Variants in PTH2R observed in about 807,000 individuals in gnomAD.
PTH2R encodes parathyroid hormone 2 receptor, also known as PTH2 receptor.
Under a neutral mutation model 60.3 loss-of-function variants are expected in PTH2R, and 59 were observed. The observed-to-expected ratio is 0.98, with a 90% CI of 0.79 to 1.22. The LOEUF (loss-of-function observed/expected upper bound fraction) is 1.22. PTH2R is among the 50% of genes most tolerant of loss of function. PTH2R has a pLI of 0.00. For missense variants in PTH2R, 749 were observed against 682.6 expected (o/e 1.10, Z -1.08); for synonymous variants, 256 against 243.8 (o/e 1.05, Z -0.47).
intron 10 of PTH2R, 60 bp from the exon 11 acceptor site, chr2:208,488,952 G>T: frequency 6.3e-7 from 1 of 1,586,962 alleles, no homozygotes; most frequent in South Asian, 1.1e-5. Context: ...CCTCCAGCAC[G>T]CTGTCTTTAC....
chr2:208,477,086 T>C (rs1465969633), intron 9 of PTH2R, among the ~76,000 whole-genome samples: 3 of 152,210 alleles, frequency 2.0e-5, no homozygotes, highest in Non-Finnish European at 2.9e-5. Context: ...CACGCATATC[T>C]CATTTGCCTA....
chr2:208,417,039 T>C lies in PTH2R; in HGVS notation c.75+9921T>C, dbSNP rs138643232. Among the ~76,000 whole-genome samples, 201 of 152,270 alleles carry C rather than the reference T, an allele frequency of 1.3e-3. 7 individuals are homozygous for C. The South Asian group carries it at 0.019, about 14-fold the overall frequency. On this transcript the variant is annotated intron_variant, in intron 1 of 12. Coordinates refer to ENST00000272847, the MANE Select transcript of PTH2R (RefSeq NM_005048.4). Reference sequence around the variant, plus strand: ...AATGCAATGTACCTCTCAATGAAGATTGGAAAAGAAAGAAGGGATGAAGAA... The same window carrying C: ...AATGCAATGTACCTCTCAATGAAGACTGGAAAAGAAAGAAGGGATGAAGAA...
chr2:208,450,091 G>A (rs547200293), intron 7 of PTH2R, among the ~76,000 whole-genome samples: 18 of 152,294 alleles, frequency 1.2e-4, no homozygotes, highest in African/African-American at 3.4e-4. Flanking sequence ...GGGGGCAAAC[G>A]AAAGTCGGTA....
At chr2:208,360,423 T>A (rs1355192767) in intron 1 of PTH2R, among the ~76,000 whole-genome samples, 2 of 152,096 alleles carry the variant, frequency 1.3e-5, no homozygotes, top group African/African-American at 4.8e-5. Flanking sequence ...CCTGAGGTCC[T>A]CCCTCAGGCG....
At chr2:208,483,519 G>T (rs1342681863) in intron 10 of PTH2R, among the ~76,000 whole-genome samples, 2 of 152,068 alleles carry the variant, frequency 1.3e-5, no homozygotes, top group Non-Finnish European at 2.9e-5. Context: ...GGGAACAAAG[G>T]GTGGCCTATC....
At chr2:208,465,037 G>T (rs989811010) in intron 9 of PTH2R, among the ~76,000 whole-genome samples, 1 of 152,110 alleles carries the variant, frequency 6.6e-6, no homozygotes, top group Admixed American at 6.5e-5. Context: ...GTGCAGTGGT[G>T]CAATCATGGC....
rs1452419632 is a variant in PTH2R, at chr2:208,437,665, AAT to A, written c.289+19_289+20del. ...CCATAAAGGTATTGAATTTTTCTAAAATGATTAATTTAAAACAAACATTTACT... is the reference window on the plus strand; with the variant it reads ...CCATAAAGGTATTGAATTTTTCTAAAGATTAATTTAAAACAAACATTTACT... On this transcript the variant is annotated intron_variant, in intron 3 of 12. Coordinates refer to ENST00000272847, the MANE Select transcript of PTH2R (RefSeq NM_005048.4). 20 of 1,604,944 alleles carry A rather than the reference AAT, an allele frequency of 1.2e-5. No homozygotes were observed. The highest frequency in any genetic ancestry group is 1.7e-5 in the Non-Finnish European group (20 of 1,175,034).
intron 1 of PTH2R, among the ~76,000 whole-genome samples, chr2:208,370,590 G>A (rs1335443569): frequency 1.3e-5 from 2 of 151,362 alleles, no homozygotes; most frequent in African/African-American, 4.9e-5. Context: ...AGTGTGTTCA[G>A]ATTTTTCTCT....
intron 1 of PTH2R, among the ~76,000 whole-genome samples, chr2:208,425,087 G>T (rs913856546): frequency 6.6e-6 from 1 of 151,982 alleles, no homozygotes; most frequent in East Asian, 1.9e-4. Context: ...AAAACTAATG[G>T]GTTCATGAAG....
At chr2:208,475,163 A>G (rs1702972007) in intron 9 of PTH2R, among the ~76,000 whole-genome samples, 1 of 152,206 alleles carries the variant, frequency 6.6e-6, no homozygotes, top group Admixed American at 6.5e-5. Context: ...GAGTTGATTC[A>G]TCTTAGCTGA....
At chr2:208,480,960 G>T in intron 9 of PTH2R, 110 bp from the exon 10 acceptor site, 2 of 753,236 alleles carry the variant, frequency 2.7e-6, no homozygotes, top group Non-Finnish European at 4.4e-6. Context: ...TCACATTTAT[G>T]AAATGGGCAA....
At chr2:208,452,208 C>G (rs1303896611) in intron 8 of PTH2R, among the ~76,000 whole-genome samples, 1 of 152,162 alleles carries the variant, frequency 6.6e-6, no homozygotes, top group Admixed American at 6.5e-5. Flanking sequence ...AACCTAACCT[C>G]TCTGAGCCTC....
intron 9 of PTH2R, among the ~76,000 whole-genome samples, chr2:208,464,611 T>TTAGCATCCCAGGCCTGCCCTTC (rs1702703907): frequency 6.6e-6 from 1 of 152,190 alleles, no homozygotes; most frequent in African/African-American, 2.4e-5. Context: ...AGGCTGTCTT[T>TTAGCATCCCAGGCCTGCCCTTC]GTTAGCATCC....
intron 8 of PTH2R, among the ~76,000 whole-genome samples, chr2:208,453,796 G>A (rs925395353): frequency 2.6e-5 from 4 of 152,218 alleles, no homozygotes; most frequent in African/African-American, 9.7e-5. Flanking sequence ...GACTAATGCT[G>A]TGAGTTTGCA....
At chr2:208,467,880 T>G (rs907533071) in intron 9 of PTH2R, among the ~76,000 whole-genome samples, 2 of 152,158 alleles carry the variant, frequency 1.3e-5, no homozygotes, top group Non-Finnish European at 2.9e-5. Flanking sequence ...GATGAGAAAG[T>G]ACATACAAGT....
At chr2:208,444,296 T>A (rs1271847806) in intron 6 of PTH2R, among the ~76,000 whole-genome samples, 4 of 152,232 alleles carry the variant, frequency 2.6e-5, no homozygotes, top group Admixed American at 2.6e-4. Context: ...TTCTAAGATA[T>A]GTTAAATGTT....
chr2:208,423,190 T>G (rs1267583210), intron 1 of PTH2R, among the ~76,000 whole-genome samples: 1 of 152,260 alleles, frequency 6.6e-6, no homozygotes, highest in East Asian at 1.9e-4. Flanking sequence ...ATATTACTGA[T>G]GCAAAACTTT....
At chr2:208,488,741 G>C (rs1020284415) in intron 10 of PTH2R, among the ~76,000 whole-genome samples, 1 of 152,104 alleles carries the variant, frequency 6.6e-6, no homozygotes, top group African/African-American at 2.4e-5. Flanking sequence ...TTCAGGCATG[G>C]TGGCAAGCAC....
intron 9 of PTH2R, chr2:208,466,602 A>G (rs575394433): frequency 6.6e-6 from 1 of 152,308 alleles, no homozygotes; most frequent in South Asian, 2.1e-4. Flanking sequence ...GGCAATCTGC[A>G]TGGCATAGAG....
Sources: gnomAD v4.1 joint callset for allele counts (sites outside exome capture counted in the v4.1 genomes callset) on GRCh38, gnomAD v4.1.1 for gene constraint, MANE v1.5 for transcripts, NCBI Gene and HGNC (gene_info 2026-07-23, HGNC 2026-07-21) for gene names.